The following RPL7 variants were observed in gnomAD, a reference collection of about 807,000 sequenced individuals.
RPL7 encodes ribosomal protein L7, also known as large ribosomal subunit protein uL30.
For missense variants in RPL7, 205 were observed against 301.9 expected, an observed-to-expected ratio of 0.68 and a Z score of 2.38; for synonymous variants, 100 against 102.2, an observed-to-expected ratio of 0.98 and a Z score of 0.13.
At chr8:73,292,550 T>C (rs967873970) in intron 2 of RPL7, 139 bp downstream of exon 2, 13 of 998,600 alleles carry the variant, frequency 1.3e-5, no homozygotes, top group Non-Finnish European at 1.8e-5. Context: ...AAAACCCCAC[T>C]ACCTTCAGAT....
chr8:73,293,358 C>G, intron 1 of RPL7: 2 of 510,288 alleles, frequency 3.9e-6, no homozygotes, highest in South Asian at 2.1e-5. Context: ...GTCAGCCAAC[C>G]GACGGGTTCC....
rs1310407805 is a variant in RPL7 at position 73,291,572 on chromosome 8, G to A, written c.518C>T (p.Ala173Val). The A allele has an allele frequency of 6.3e-7, 1 of 1,594,780 alleles. No individual in the cohort carries two copies. Among genetic ancestry groups the A allele is most frequent in the Non-Finnish European group, 8.6e-7 (1 of 1,165,358 alleles). ...CCTACCAAGAGATCGAGCAATCAAAGCGTTATCTGTCAAAGCAATTCGCTT... is the reference window on the plus strand; with the variant it reads ...CCTACCAAGAGATCGAGCAATCAAAACGTTATCTGTCAAAGCAATTCGCTT... The part of the protein sequence containing the change: ...NKKRIALTDN[A>V]LIARSLGKYG... The change falls in exon 5 of 7, where the codon GCT becomes GTT. Residue 173 changes from alanine to valine, a missense_variant. Coordinates refer to ENST00000352983, the MANE Select transcript of RPL7 (RefSeq NM_000971.4).
In RPL7 at chr8:73,291,628, G is replaced by A; in HGVS notation, c.462C>T (p.Ile154=). The change falls in exon 5 of 7, where the codon ATC becomes ATT. Residue 154 remains isoleucine, a synonymous_variant. Coordinates refer to ENST00000352983, the MANE Select transcript of RPL7 (RefSeq NM_000971.4). The stretch of plus-strand genomic sequence containing the variant: ...TGATTTTGCCATAACCACGCTTGTA[G>A]ATTAGTTCATTTACTGACTTCAGAT... The part of the protein sequence containing the change: ...YPNLKSVNEL[I]YKRGYGKINK... 3 of 1,596,948 alleles carry A rather than the reference G, an allele frequency of 1.9e-6. No homozygotes were observed. The highest frequency in any genetic ancestry group is 2.6e-6 in the Non-Finnish European group (3 of 1,165,698).
intron 3 of RPL7, 28 bp from the exon 4 acceptor site, chr8:73,291,938 T>C (rs767209953): frequency 2.5e-6 from 4 of 1,601,404 alleles, no homozygotes; most frequent in Middle Eastern, 1.7e-4. Context: ...CAGAAATGCA[T>C]TTGCCTTTCA....
chr8:73,292,005 C>T (rs1814108573), intron 3 of RPL7, 95 bp from the exon 4 acceptor site: 2 of 1,437,432 alleles, frequency 1.4e-6, no homozygotes, highest in Admixed American at 1.8e-5. Flanking sequence ...CCTACCTAAA[C>T]AGATAGGAAT....
At chr8:73,292,910 T>C (rs1814139115) in intron 1 of RPL7, 113 bp from the exon 2 acceptor site, 1 of 714,356 alleles carries the variant, frequency 1.4e-6, no homozygotes, top group East Asian at 2.6e-5. Flanking sequence ...CTTTAGTCAC[T>C]AGTAACTTTA....
At chr8:73,293,404 C>G in intron 1 of RPL7, 195 bp downstream of exon 1, 4 of 603,394 alleles carry the variant, frequency 6.6e-6, no homozygotes, top group South Asian at 5.8e-5. Context: ...TTCCCGGGAT[C>G]TCCAAAACCT....
In RPL7 at chr8:73,293,608, T is replaced by G. The variant is rs1427284229; in HGVS notation, c.5A>C (p.Glu2Ala). The G allele has an allele frequency of 3.7e-6, 6 of 1,613,686 alleles. No individual in the cohort carries two copies. Among genetic ancestry groups the G allele is most frequent in the African/African-American group, 1.3e-5 (1 of 74,864 alleles). The part of the protein sequence containing the change: M[E>A]GVEEKKKEVP... ...ACCAGAAGCAACTCACTCTACACCC[T>G]CCATGGTTCCAGCCGGAAAAAGAGG... The change falls in exon 1 of 7, where the codon GAG (glutamate) becomes GCG (alanine). Residue 2 changes from glutamate (E) to alanine (A), a missense_variant. By Grantham distance (107) the Glu-to-Ala change is moderately radical (BLOSUM62 -1). Transcript: ENST00000352983.
chr8:73,294,134 T>C (rs1586183723), upstream of RPL7: 1 of 160,302 alleles, frequency 6.2e-6, no homozygotes, highest in Non-Finnish European at 1.4e-5. Context: ...CCCTCCCGGC[T>C]CCCTGCCGCG....
At chr8:73,294,034 G>A (rs147358368), upstream of RPL7, 7 of 167,398 alleles carry the variant, frequency 4.2e-5, no homozygotes, top group Non-Finnish European at 7.9e-5. Flanking sequence ...CCGCAGGCAA[G>A]CACCGCGGCG....
chr8:73,291,514 A>C (rs1250492083), intron 5 of RPL7, 38 bp downstream of exon 5: 3 of 1,430,462 alleles, frequency 2.1e-6, no homozygotes, highest in Non-Finnish European at 2.9e-6. Flanking sequence ...AAATTATCGC[A>C]TGGTCTAATA....
intron 1 of RPL7, 47 bp downstream of exon 1, chr8:73,293,552 G>C (rs751818770): frequency 6.2e-7 from 1 of 1,609,804 alleles, no homozygotes; most frequent in South Asian, 1.1e-5. Context: ...AAAGTATCTG[G>C]CTCTGGAGAT....
At chr8:73,291,519 C>T (rs1814096323) in intron 5 of RPL7, 33 bp downstream of exon 5, 1 of 1,492,190 alleles carries the variant, frequency 6.7e-7, no homozygotes, top group African/African-American at 1.4e-5. Context: ...ATCGCATGGT[C>T]TAATACCAAA....
intron 5 of RPL7, 49 bp downstream of exon 5, chr8:73,291,503 G>C: frequency 7.4e-7 from 1 of 1,344,298 alleles, no homozygotes; most frequent in African/African-American, 1.4e-5. Context: ...AAGAGGGTAA[G>C]AAATTATCGC....
chr8:73,291,478 G>A, intron 5 of RPL7, 74 bp downstream of exon 5: 1 of 1,120,204 alleles, frequency 8.9e-7, no homozygotes, highest in East Asian at 2.4e-5. Context: ...ACAATAGTGA[G>A]AAATGTACGG....
rs1363399439 is a variant in RPL7, at chr8:73,291,899, A to G, written c.302T>C (p.Val101Ala). The change falls in exon 4 of 7, where the codon GTG becomes GCG. Residue 101 changes from valine to alanine, a missense_variant. Physicochemically the swap from Val to Ala is moderately conservative, Grantham distance 64. Transcript: ENST00000352983. ...FVIRIRGING[V>A]SPKVRKVLQL... is the part of the protein sequence containing the mutation. ...CAACACCTTTCGAACCTTTGGGCTCACTCCATTGATACTGTGGTGAAAACG... is the reference window on the plus strand; with the variant it reads ...CAACACCTTTCGAACCTTTGGGCTCGCTCCATTGATACTGTGGTGAAAACG... 4.3e-6 allele frequency: 7 copies of G among 1,611,868 alleles called. No individual in the cohort carries two copies. Among genetic ancestry groups the G allele is most frequent in the Non-Finnish European group, 5.9e-6 (7 of 1,178,164 alleles).
chr8:73,293,187 TA>T (rs994864616), intron 1 of RPL7: 194 of 196,496 alleles, frequency 9.9e-4, no homozygotes, highest in East Asian at 1.7e-3. Context: ...AAAATAAAAA[TA>T]AAAAAAAAAC....
In RPL7 at chr8:73,291,476, G is replaced by A. The variant is rs1261371186; in HGVS notation, c.538+76C>T. ...GGAACACATGAAGATTCACAATAGT[G>A]AGAAATGTACGGCCACAAGAGGGTA... On this transcript the variant is annotated intron_variant, in intron 5 of 6. Transcript: ENST00000352983. 21 of 1,104,086 alleles carry A rather than the reference G, an allele frequency of 1.9e-5. No homozygotes were observed. In the East Asian group the frequency reaches 4.4e-4, roughly 23 times the overall value. 68.4% of individuals were successfully genotyped at this position (1,104,086 alleles called of 1,614,324 possible).
rs1814081243 is a variant in RPL7 at position 73,290,933 on chromosome 8, C to T, written c.*1+110G>A. The T allele has an allele frequency of 1.6e-5, 13 of 816,640 alleles. No homozygotes were observed. In the South Asian group the frequency reaches 2.2e-4, roughly 14 times the overall value. 50.6% of individuals were successfully genotyped at this position (816,640 alleles called of 1,614,324 possible). Reference sequence around the variant, plus strand: ...AGTTGACCCCCACTCCCCACAAAAGCACTGATTAAAATTCAAACCCCCATC... The same window carrying T: ...AGTTGACCCCCACTCCCCACAAAAGTACTGATTAAAATTCAAACCCCCATC... On this transcript the variant is annotated intron_variant, in intron 6 of 6. Transcript: ENST00000352983.
Sources: gnomAD v4.1 joint callset for allele counts on GRCh38, gnomAD v4.1.1 for gene constraint, MANE v1.5 for transcripts, NCBI Gene and HGNC (gene_info 2026-07-23, HGNC 2026-07-21) for gene names.